The following MCCC2 variants were observed in gnomAD, a reference collection of about 807,000 sequenced individuals.
The protein encoded by MCCC2 is methylcrotonyl-CoA carboxylase subunit 2.
Under a neutral mutation model 77.2 loss-of-function variants are expected in MCCC2, and 52 were observed. The observed-to-expected ratio is 0.67, with a 90% CI of 0.54 to 0.85. The LOEUF (loss-of-function observed/expected upper bound fraction) is 0.85. Ranked by LOEUF, MCCC2 falls within the 40% of genes least tolerant of loss-of-function variation. The probability of loss-of-function intolerance (pLI) is 0.00; values close to 1 mark genes in which losing one functional copy is unlikely to be tolerated. For missense variants in MCCC2, 682 were observed against 703.2 expected (o/e 0.97, Z 0.34); for synonymous variants, 253 against 248.4 (o/e 1.02, Z -0.18).
intron 10 of MCCC2, among the ~76,000 whole-genome samples, chr5:71,640,018 C>T (rs1008475352): frequency 1.1e-4 from 17 of 152,164 alleles, no homozygotes; most frequent in Non-Finnish European, 1.8e-4. Flanking sequence ...TAGTATGTAT[C>T]ATCTAAAATA....
At chr5:71,648,993 A>G (rs1747352352) in intron 13 of MCCC2, 104 bp from the exon 14 acceptor site, 6 of 1,306,800 alleles carry the variant, frequency 4.6e-6, no homozygotes, top group Non-Finnish European at 6.7e-6. Flanking sequence ...GGCGAGAGGC[A>G]TTTAGTAAGA....
At chr5:71,607,227 A>G (rs1484937685) in intron 6 of MCCC2, among the ~76,000 whole-genome samples, 4 of 151,636 alleles carry the variant, frequency 2.6e-5, no homozygotes, top group African/African-American at 4.8e-5. Context: ...TGGTTGGTAA[A>G]CTATTGATTA....
Position 71,643,859 on chromosome 5 carries a change from A to G in MCCC2, c.1113A>G (p.Gly371=). Residue 371 remains glycine (G), a synonymous_variant, in exon 12 of 17, where the codon GGA becomes GGG. Transcript: ENST00000340941. ...RIFGYPVGIV[G]NNGVLFSESA... The stretch of plus-strand genomic sequence containing the variant: ...TTGGGTACCCAGTAGGTATCGTTGG[A>G]AACAACGGAGTTCTCTTTTCTGAAT... 1.2e-6 allele frequency: 2 copies of G among 1,614,184 alleles called. No individual in the cohort carries two copies. The highest frequency in any genetic ancestry group is 1.7e-6 in the Non-Finnish European group (2 of 1,180,014).
chr5:71,615,326 C>T (rs1209730067), intron 6 of MCCC2, among the ~76,000 whole-genome samples: 2 of 152,196 alleles, frequency 1.3e-5, no homozygotes, highest in Non-Finnish European at 2.9e-5. Context: ...CTTCAAACCT[C>T]CATGCCCTAC....
intron 12 of MCCC2, 39 bp from the exon 13 acceptor site, chr5:71,646,172 A>T (rs564923117): frequency 6.5e-7 from 1 of 1,549,924 alleles, no homozygotes; most frequent in East Asian, 2.2e-5. Context: ...AATAGAGTTA[A>T]TTCCCTTTTA....
chr5:71,596,965 G>A (rs989909634), intron 3 of MCCC2, among the ~76,000 whole-genome samples: 3 of 152,004 alleles, frequency 2.0e-5, no homozygotes, highest in Non-Finnish European at 4.4e-5. Context: ...TGTAAATTCT[G>A]TAGTGTGTTA....
In MCCC2 at chr5:71,643,838, G is replaced by T; in HGVS notation, c.1092G>T (p.Gly364=). Residue 364 remains glycine (G), a synonymous_variant, in exon 12 of 17, where the codon GGG becomes GGT. Transcript: ENST00000340941. ...TLVTGFARIF[G]YPVGIVGNNG... ...TTTGAGGATTTGCTCGAATATTTGG[G>T]TACCCAGTAGGTATCGTTGGAAACA... 2 of 1,614,102 alleles carry T rather than the reference G, an allele frequency of 1.2e-6. No individual in the cohort carries two copies. Among genetic ancestry groups the T allele is most frequent in the Non-Finnish European group, 1.7e-6 (2 of 1,180,010 alleles).
chr5:71,598,850 C>A (rs1467653524), intron 3 of MCCC2, among the ~76,000 whole-genome samples: 1 of 152,078 alleles, frequency 6.6e-6, no homozygotes, highest in African/African-American at 2.4e-5. Flanking sequence ...CTCCTGGGCT[C>A]AAGTGATTCT....
chr5:71,588,570 A>G (rs993587229), intron 1 of MCCC2, among the ~76,000 whole-genome samples: 21 of 152,226 alleles, frequency 1.4e-4, no homozygotes, highest in Admixed American at 1.2e-3. Context: ...GAATGGAACT[A>G]ATAATTTTGT....
intron 4 of MCCC2, among the ~76,000 whole-genome samples, chr5:71,600,361 T>C (rs1745376813): frequency 6.6e-6 from 1 of 152,174 alleles, no homozygotes; most frequent in Non-Finnish European, 1.5e-5. Flanking sequence ...GGTGTCTCGC[T>C]CTGTTGCCTA....
Position 71,650,069 on chromosome 5 carries a change from C to T in MCCC2, c.1374C>T (p.Ser458=). ...GNYGMCGRAY[S]PRFLYIWPNA... ...TTTATTCTTCCTTTTCTTCCCCCAGCCCAAGATTTCTCTACATTTGGCCAA... is the reference window on the plus strand; with the variant it reads ...TTTATTCTTCCTTTTCTTCCCCCAGTCCAAGATTTCTCTACATTTGGCCAA... Residue 458 remains serine, a splice_region_variant and synonymous_variant, in exon 15 of 17, where the codon AGC becomes AGT. Coordinates refer to ENST00000340941, the MANE Select transcript of MCCC2 (RefSeq NM_022132.5). 1 of 1,612,338 alleles carries T rather than the reference C, an allele frequency of 6.2e-7. No homozygotes were observed. Among genetic ancestry groups the T allele is most frequent in the Admixed American group, 1.7e-5 (1 of 60,020 alleles).
At position 71,587,448 on chromosome 5, in the gene MCCC2, C is replaced by T; in HGVS notation, c.23C>T (p.Ala8Val). Residue 8 changes from alanine to valine, a missense_variant, in exon 1 of 17, where the codon GCC becomes GTC. Physicochemically the swap from Ala to Val is moderately conservative, Grantham distance 64. Transcript: ENST00000340941. ...GCCATGTGGGCCGTCCTGAGGTTAG[C>T]CCTGCGGCCGTGTGCCCGCGCCTCT... MWAVLRL[A>V]LRPCARASPA... The T allele has an allele frequency of 1.3e-6, 2 of 1,535,170 alleles. No homozygotes were observed. The highest frequency in any genetic ancestry group is 1.2e-5 in the South Asian group (1 of 83,920).
At chr5:71,650,593 A>G (rs1355949709) in intron 15 of MCCC2, among the ~76,000 whole-genome samples, 1 of 151,736 alleles carries the variant, frequency 6.6e-6, no homozygotes, top group Non-Finnish European at 1.5e-5. Flanking sequence ...GCTTCCTGAG[A>G]AGCTGGGATT....
intron 6 of MCCC2, among the ~76,000 whole-genome samples, chr5:71,609,134 G>C (rs1229832229): frequency 6.6e-6 from 1 of 152,098 alleles, no homozygotes; most frequent in Admixed American, 6.6e-5. Context: ...GATTGTGGAA[G>C]TTCTCCTGGA....
At chr5:71,656,519 A>G (rs1188627098) in intron 16 of MCCC2, among the ~76,000 whole-genome samples, 1 of 152,224 alleles carries the variant, frequency 6.6e-6, no homozygotes, top group Non-Finnish European at 1.5e-5. Flanking sequence ...TAAGCCTGAC[A>G]TGACATTCTG....
intron 16 of MCCC2, among the ~76,000 whole-genome samples, 185 bp downstream of exon 16, chr5:71,652,939 C>T (rs1185029432): frequency 6.6e-6 from 1 of 152,182 alleles, no homozygotes; most frequent in Non-Finnish European, 1.5e-5. Context: ...AAATGCCACC[C>T]CTCCTCCCAG....
At chr5:71,592,838 GTT>G (rs371137817) in intron 1 of MCCC2, 86 bp from the exon 2 acceptor site, 10,788 of 788,124 alleles carry the variant, frequency 0.014, no homozygotes, top group Non-Finnish European at 0.015. Context: ...ACAGACCACT[GTT>G]TTTTTTTTTT....
At chr5:71,613,212 T>C (rs1222625832) in intron 6 of MCCC2, among the ~76,000 whole-genome samples, 2 of 152,242 alleles carry the variant, frequency 1.3e-5, no homozygotes, top group Non-Finnish European at 1.5e-5. Flanking sequence ...TTCTGGTGAT[T>C]AGGATATGGC....
intron 2 of MCCC2, among the ~76,000 whole-genome samples, chr5:71,593,881 T>A (rs1482766280): frequency 2.0e-5 from 3 of 152,066 alleles, no homozygotes; most frequent in African/African-American, 7.2e-5. Context: ...ATCTCAGGAG[T>A]ATAAAAATAG....
Sources: allele counts gnomAD v4.1 joint callset (sites outside exome capture counted in the v4.1 genomes callset), GRCh38; gene constraint gnomAD v4.1.1; transcripts MANE v1.5; gene names NCBI Gene and HGNC (gene_info 2026-07-23, HGNC 2026-07-21).